The following ARHGAP15 variants were observed in gnomAD, a reference collection of about 807,000 sequenced individuals.
The protein encoded by ARHGAP15 is rho GTPase-activating protein 15.
ARHGAP15 carries 51 observed loss-of-function variants against 63.7 expected under a neutral mutation model. The ratio of observed to expected loss-of-function variants is 0.80; its 90% CI spans 0.64 to 1.01. ARHGAP15 has a LOEUF of 1.01. ARHGAP15 is among the 50% of genes least tolerant of loss of function. ARHGAP15 has a pLI of 0.00. For missense variants in ARHGAP15, 560 were observed against 564.6 expected (o/e 0.99, Z 0.08); for synonymous variants, 191 against 193.8 (o/e 0.99, Z 0.12).
At chr2:143,408,007 AT>A (rs1688280200) in intron 6 of ARHGAP15, among the ~76,000 whole-genome samples, 1 of 75,498 alleles carries the variant, frequency 1.3e-5, no homozygotes, top group East Asian at 4.6e-4. Flanking sequence ...ATATATATAT[AT>A]ATATATATAT....
intron 1 of ARHGAP15, among the ~76,000 whole-genome samples, chr2:143,138,202 A>G (rs531969610): frequency 2.0e-5 from 3 of 152,192 alleles, no homozygotes; most frequent in East Asian, 1.9e-4. Context: ...TTTTGCATGC[A>G]TAATTGCATT....
At chr2:143,539,249 G>C (rs140105939) in intron 10 of ARHGAP15, among the ~76,000 whole-genome samples, 3 of 151,930 alleles carry the variant, frequency 2.0e-5, no homozygotes, top group African/African-American at 7.3e-5. Flanking sequence ...TTTTTATTGC[G>C]TCTATTTGAT....
intron 2 of ARHGAP15, among the ~76,000 whole-genome samples, chr2:143,195,394 A>C (rs1355327535): frequency 6.6e-6 from 1 of 152,208 alleles, no homozygotes; most frequent in Non-Finnish European, 1.5e-5. Flanking sequence ...CACTAGGATT[A>C]TGAAAAGATG....
intron 9 of ARHGAP15, among the ~76,000 whole-genome samples, chr2:143,503,464 G>A (rs1187637837): frequency 6.6e-6 from 1 of 152,152 alleles, no homozygotes; most frequent in Admixed American, 6.5e-5. Flanking sequence ...GTGAATTTGG[G>A]CAAGATGATG....
intron 6 of ARHGAP15, among the ~76,000 whole-genome samples, chr2:143,313,893 G>T (rs1336300172): frequency 6.6e-6 from 1 of 151,528 alleles, no homozygotes; most frequent in Non-Finnish European, 1.5e-5. Context: ...AAGAGTTATT[G>T]TACAAAGTAT....
intron 6 of ARHGAP15, among the ~76,000 whole-genome samples, chr2:143,261,569 G>A (rs13024661): frequency 0.17 from 25,730 of 151,146 alleles, 2,433 homozygotes; most frequent in South Asian, 0.35. Context: ...AGCTGGTCTC[G>A]AACTCCTGAT....
intron 9 of ARHGAP15, among the ~76,000 whole-genome samples, chr2:143,500,061 A>G (rs979525958): frequency 2.6e-5 from 4 of 151,964 alleles, no homozygotes; most frequent in African/African-American, 7.2e-5. Flanking sequence ...AAATGTAAAG[A>G]AATTTATGAA....
intron 12 of ARHGAP15, among the ~76,000 whole-genome samples, chr2:143,677,301 A>T (rs1682876007): frequency 6.6e-6 from 1 of 152,266 alleles, no homozygotes; most frequent in South Asian, 2.1e-4. Flanking sequence ...TGAACCATGA[A>T]TGGAACCATG....
intron 11 of ARHGAP15, among the ~76,000 whole-genome samples, chr2:143,605,858 CAAAAAAAAAAAAAAAA>C (rs373847590): frequency 1.2e-5 from 1 of 85,306 alleles, no homozygotes; most frequent in African/African-American, 3.9e-5. Context: ...TACTAAAATA[CAAAAAAAAAAAAAAAA>C]AAAAAAAAAA....
At chr2:143,156,045 A>T (rs1269379438) in intron 2 of ARHGAP15, among the ~76,000 whole-genome samples, 2 of 141,692 alleles carry the variant, frequency 1.4e-5, no homozygotes, top group East Asian at 4.1e-4. Context: ...AAAAAAAAAA[A>T]TCTCAAAAAA....
chr2:143,313,071 A>C (rs1465096710), intron 6 of ARHGAP15, among the ~76,000 whole-genome samples: 1 of 152,150 alleles, frequency 6.6e-6, no homozygotes, highest in Non-Finnish European at 1.5e-5. Flanking sequence ...AGAGTATAGA[A>C]TTTTCAAGTG....
intron 11 of ARHGAP15, among the ~76,000 whole-genome samples, chr2:143,568,565 G>A (rs1696328391): frequency 1.3e-5 from 2 of 152,248 alleles, no homozygotes; most frequent in African/African-American, 4.8e-5. Context: ...ACTGTTGGTG[G>A]TAGTGTAAAC....
At chr2:143,472,407 T>C (rs1012147233) in intron 8 of ARHGAP15, among the ~76,000 whole-genome samples, 1 of 152,128 alleles carries the variant, frequency 6.6e-6, no homozygotes, top group African/African-American at 2.4e-5. Flanking sequence ...AGTTGGAGAA[T>C]TGGGTATGCA....
chr2:143,473,312 T>C (rs541142200), intron 8 of ARHGAP15, among the ~76,000 whole-genome samples: 3 of 152,198 alleles, frequency 2.0e-5, no homozygotes, highest in African/African-American at 7.2e-5. Context: ...TGTTCGTGTT[T>C]TCACACTAAC....
chr2:143,291,162 C>T (rs1682379029), intron 6 of ARHGAP15, among the ~76,000 whole-genome samples: 1 of 152,050 alleles, frequency 6.6e-6, no homozygotes, highest in African/African-American at 2.4e-5. Context: ...TGATTTAACC[C>T]TGGTTTGATA....
At chr2:143,757,234 G>A (rs1045377454) in intron 13 of ARHGAP15, among the ~76,000 whole-genome samples, 1 of 152,276 alleles carries the variant, frequency 6.6e-6, no homozygotes, top group Middle Eastern at 3.4e-3. Context: ...CAGAGGCTGG[G>A]CACAGTGGCT....
At chr2:143,702,105 A>G (rs958374632) in intron 12 of ARHGAP15, among the ~76,000 whole-genome samples, 5 of 152,162 alleles carry the variant, frequency 3.3e-5, no homozygotes, top group Admixed American at 1.3e-4. Context: ...TGCCTTACAT[A>G]TTAGTCTTTT....
chr2:143,756,367 T>C (rs984647590), intron 13 of ARHGAP15, among the ~76,000 whole-genome samples: 2 of 152,208 alleles, frequency 1.3e-5, no homozygotes, highest in African/African-American at 4.8e-5. Flanking sequence ...AAAATATTAC[T>C]AGCACATACT....
intron 8 of ARHGAP15, among the ~76,000 whole-genome samples, chr2:143,443,213 T>C (rs966363169): frequency 6.6e-6 from 1 of 152,164 alleles, no homozygotes; most frequent in Admixed American, 6.6e-5. Context: ...AACAGTCTAA[T>C]CCTGCCAATG....
Sources: allele counts gnomAD v4.1 joint callset (sites outside exome capture counted in the v4.1 genomes callset), GRCh38; gene constraint gnomAD v4.1.1; transcripts MANE v1.5; gene names NCBI Gene and HGNC (gene_info 2026-07-23, HGNC 2026-07-21).